Variants in CDC45 observed in about 807,000 individuals in gnomAD.
CDC45 encodes the protein cell division cycle 45.
A neutral mutation model predicts 77.8 loss-of-function variants in CDC45; 54 were observed. That is an observed-to-expected ratio of 0.69 (90% CI 0.56 to 0.87). The LOEUF is 0.87. CDC45 is among the 40% of genes least tolerant of loss of function. The pLI is 0.00. For missense variants in CDC45, 649 were observed against 721.6 expected, an observed-to-expected ratio of 0.90 and a Z score of 1.15; for synonymous variants, 260 against 272.1, an observed-to-expected ratio of 0.96 and a Z score of 0.44.
At chr22:19,484,550 A>G (rs892006337) in intron 5 of CDC45, among the ~76,000 whole-genome samples, 16 of 152,196 alleles carry the variant, frequency 1.1e-4, no homozygotes, top group African/African-American at 3.9e-4. Flanking sequence ...AAGATGTAAA[A>G]TGACAGGCAG....
chr22:19,508,449 A>T, intron 12 of CDC45, 81 bp from the exon 13 acceptor site: 12 of 1,457,746 alleles, frequency 8.2e-6, no homozygotes, highest in Non-Finnish European at 1.1e-5. Context: ...TGTGAGGGAC[A>T]TTAGCACATC....
At chr22:19,502,214 C>T (rs1318785756) in intron 9 of CDC45, among the ~76,000 whole-genome samples, 1 of 152,166 alleles carries the variant, frequency 6.6e-6, no homozygotes, top group Non-Finnish European at 1.5e-5. Flanking sequence ...ACCTTTTATG[C>T]AAAGTCCTGA....
At chr22:19,508,738 T>C (rs1933352041) in intron 13 of CDC45, 47 bp downstream of exon 13, 1 of 1,591,062 alleles carries the variant, frequency 6.3e-7, no homozygotes, top group Admixed American at 1.7e-5. Context: ...CCACTGGTTC[T>C]CACACTGCCC....
At chr22:19,482,863 T>A in intron 4 of CDC45, 36 bp downstream of exon 4, 1 of 1,603,136 alleles carries the variant, frequency 6.2e-7, no homozygotes, top group Non-Finnish European at 8.5e-7. Flanking sequence ...CTGTCTGTAC[T>A]TTTTATGCCA....
upstream of CDC45, chr22:19,479,767 G>C (rs1025726137): frequency 6.1e-6 from 4 of 653,242 alleles, no homozygotes; most frequent in South Asian, 1.7e-5. Context: ...GGGCGGGCTG[G>C]AGTTTTCTGG....
intron 2 of CDC45, among the ~76,000 whole-genome samples, chr22:19,480,461 C>T (rs892558756): frequency 6.6e-6 from 1 of 152,022 alleles, no homozygotes; most frequent in East Asian, 1.9e-4. Flanking sequence ...TGTATTTTTG[C>T]AATAAGCTAT....
chr22:19,519,026 G>C (rs999420753), intron 18 of CDC45, 117 bp downstream of exon 18: 57 of 798,378 alleles, frequency 7.1e-5, no homozygotes, highest in Non-Finnish European at 1.1e-4. Context: ...ACCGAAGCAG[G>C]GTTCTTGAGA....
At chr22:19,504,356 A>G (rs1194653184) in intron 9 of CDC45, among the ~76,000 whole-genome samples, 2 of 152,116 alleles carry the variant, frequency 1.3e-5, no homozygotes, top group Non-Finnish European at 2.9e-5. Flanking sequence ...CTGCAGTGCA[A>G]TGGCGCTGTC....
At chr22:19,504,476 T>G (rs1333588000) in intron 9 of CDC45, among the ~76,000 whole-genome samples, 1 of 152,172 alleles carries the variant, frequency 6.6e-6, no homozygotes, top group Non-Finnish European at 1.5e-5. Flanking sequence ...ATTTTGTATT[T>G]GTAATAGAGA....
intron 8 of CDC45, among the ~76,000 whole-genome samples, chr22:19,498,755 T>C (rs937299581): frequency 3.9e-5 from 6 of 151,994 alleles, no homozygotes; most frequent in African/African-American, 1.4e-4. Context: ...CCACTCCGAG[T>C]GTTGGGGTCA....
chr22:19,490,707 C>CT (rs1204192787), intron 5 of CDC45, among the ~76,000 whole-genome samples: 1 of 151,986 alleles, frequency 6.6e-6, no homozygotes, highest in Non-Finnish European at 1.5e-5. Context: ...GTTTGTGAGT[C>CT]TATCTCCTTG....
chr22:19,493,584 C>T lies in CDC45; in HGVS notation c.487-743C>T, dbSNP rs2090190219. ...TCAGCCTCCCAAGTAGCTGGGATTA[C>T]AGGCATGTGCCACCACGCCCGGCTA... is the stretch of plus-strand genomic sequence containing the variant. On this transcript the variant is annotated intron_variant, in intron 5 of 18. Coordinates refer to ENST00000263201, the MANE Select transcript of CDC45 (RefSeq NM_003504.5). Among the ~76,000 whole-genome samples, 8 of 152,280 alleles carry T rather than the reference C, an allele frequency of 5.3e-5. No homozygotes were observed. In the South Asian group the frequency reaches 1.7e-3, roughly 32 times the overall value.
rs1449423541 is a variant in CDC45 at position 19,480,138 on chromosome 22, G to T, written c.52-20G>T. 6.2e-7 allele frequency: 1 copy of T among 1,613,930 alleles called. No homozygotes were observed. Among genetic ancestry groups the T allele is most frequent in the Admixed American group, 1.7e-5 (1 of 60,032 alleles). On this transcript the variant is annotated intron_variant, in intron 1 of 18. Transcript: ENST00000263201. ...GGGGTTCGGGTCGCCGTGTTCAGCCGGTCTGCTCTTCCCCGATAGAGGGTC... is the reference window on the plus strand; with the variant it reads ...GGGGTTCGGGTCGCCGTGTTCAGCCTGTCTGCTCTTCCCCGATAGAGGGTC...
chr22:19,503,005 A>G (rs1932959841), intron 9 of CDC45, among the ~76,000 whole-genome samples: 1 of 152,044 alleles, frequency 6.6e-6, no homozygotes, highest in African/African-American at 2.4e-5. Flanking sequence ...TCTCTATAAA[A>G]ATAAAAAAAA....
chr22:19,483,108 G>A (rs971083514), intron 4 of CDC45, among the ~76,000 whole-genome samples: 5 of 151,736 alleles, frequency 3.3e-5, no homozygotes, highest in Admixed American at 6.6e-5. Context: ...ATGCCACCAC[G>A]CCCAGCAAAT....
In CDC45 at chr22:19,516,807, G is replaced by C; in HGVS notation, c.1560-10G>C. 7 of 1,613,920 alleles carry C rather than the reference G, an allele frequency of 4.3e-6. No individual in the cohort carries two copies. The highest frequency in any genetic ancestry group is 5.9e-6 in the Non-Finnish European group (7 of 1,179,808). On this transcript the variant is annotated splice_polypyrimidine_tract_variant and intron_variant, in intron 16 of 18. Transcript: ENST00000263201. ...CCGCCTGGCCCCCGACATGTCTTGT[G>C]TGTCAGCAGCTTTTTTGGGAGGGCG...
intron 5 of CDC45, among the ~76,000 whole-genome samples, chr22:19,492,529 G>A (rs917407729): frequency 6.6e-6 from 1 of 151,944 alleles, no homozygotes; most frequent in African/African-American, 2.4e-5. Context: ...GTCATTGCTC[G>A]TTGAAGCATT....
chr22:19,495,221 A>T (rs13447217), intron 6 of CDC45, among the ~76,000 whole-genome samples: 1 of 152,330 alleles, frequency 6.6e-6, no homozygotes, highest in South Asian at 2.1e-4. Flanking sequence ...CTGATTTTGC[A>T]TCTTTCTACT....
At chr22:19,494,450 CA>C (rs1568920726) in intron 6 of CDC45, 68 bp downstream of exon 6, 1 of 1,594,720 alleles carries the variant, frequency 6.3e-7, no homozygotes, top group South Asian at 1.1e-5. Flanking sequence ...TGGTGCCACC[CA>C]TACCTCTGAC....
Sources: gnomAD v4.1 joint callset for allele counts (sites outside exome capture counted in the v4.1 genomes callset) on GRCh38, gnomAD v4.1.1 for gene constraint, MANE v1.5 for transcripts, NCBI Gene and HGNC (gene_info 2026-07-23, HGNC 2026-07-21) for gene names.